Variants in ATP9A observed in about 807,000 individuals in gnomAD.
ATP9A encodes ATPase phospholipid transporting 9A, also known as probable phospholipid-transporting ATPase IIA.
Under a neutral mutation model 144.1 loss-of-function variants are expected in ATP9A, and 52 were observed. That is an observed-to-expected ratio of 0.36 (90% CI 0.29 to 0.45). ATP9A has a LOEUF of 0.45. ATP9A is among the 20% of genes least tolerant of loss of function. The pLI, the probability that ATP9A is intolerant of heterozygous loss-of-function variation, is 1.00. For missense variants in ATP9A, 947 were observed against 1,392.7 expected, an observed-to-expected ratio of 0.68 and a Z score of 5.09; for synonymous variants, 582 against 557.4, an observed-to-expected ratio of 1.04 and a Z score of -0.62.
In ATP9A at chr20:51,614,924, T is replaced by C. The variant is rs1243350301; in HGVS notation, c.2416-1092A>G. 2.0e-5 allele frequency among the ~76,000 whole-genome samples: 3 copies of C among 152,154 alleles called. No homozygotes were observed. In the East Asian group the frequency reaches 5.8e-4, roughly 29 times the overall value. On this transcript the variant is annotated intron_variant, in intron 22 of 27. Coordinates refer to ENST00000338821, the MANE Select transcript of ATP9A (RefSeq NM_006045.3). ...TGCTAATAAATGTGATTTGCAATCCTTCCTGGAGCTTTTATTACTTAAGCT... is the reference window on the plus strand; with the variant it reads ...TGCTAATAAATGTGATTTGCAATCCCTCCTGGAGCTTTTATTACTTAAGCT...
rs1335380939 is a variant in ATP9A, at chr20:51,596,781, C to T, written c.*4430G>A. ...ATTAAAATAATCCCCCAAGGCAGAACGTACACAAGCTTTATTGGGCAACAG... is the reference window on the plus strand; with the variant it reads ...ATTAAAATAATCCCCCAAGGCAGAATGTACACAAGCTTTATTGGGCAACAG... On this transcript the variant is annotated 3_prime_UTR_variant, in exon 28 of 28. Coordinates refer to ENST00000338821, the MANE Select transcript of ATP9A (RefSeq NM_006045.3). The T allele has an allele frequency of 2.0e-5, 3 of 152,146 alleles. No individual in the cohort carries two copies. Among genetic ancestry groups the T allele is most frequent in the Admixed American group, 6.5e-5 (1 of 15,278 alleles). 9.4% of individuals were successfully genotyped at this position (152,146 alleles called of 1,614,324 possible). A position where few individuals can be genotyped will look rare whatever the true frequency, so the allele number is the denominator to read the frequency against.
At chr20:51,604,790 C>T (rs534314856) in intron 27 of ATP9A, 27 bp downstream of exon 27, 34 of 1,446,408 alleles carry the variant, frequency 2.4e-5, no homozygotes, top group South Asian at 1.9e-4. Context: ...GGGTGACGGA[C>T]GGGGTTTAAG....
chr20:51,708,499 C>T (rs2077623971), intron 4 of ATP9A, among the ~76,000 whole-genome samples: 1 of 151,914 alleles, frequency 6.6e-6, no homozygotes, highest in African/African-American at 2.4e-5. Flanking sequence ...CTTTGGGAGG[C>T]CGAGGCGGGC....
chr20:51,675,955 A>G (rs6021371), intron 10 of ATP9A, among the ~76,000 whole-genome samples, 177 bp downstream of exon 10: 40,995 of 151,280 alleles, frequency 0.27, 6,632 homozygotes, highest in African/African-American at 0.45. Context: ...TACGTACTGT[A>G]TTATATATGT....
intron 13 of ATP9A, among the ~76,000 whole-genome samples, chr20:51,662,684 C>T (rs2077415776): frequency 6.6e-6 from 1 of 151,824 alleles, no homozygotes; most frequent in Admixed American, 6.6e-5. Flanking sequence ...CATTAAAAAC[C>T]TTGACATGAG....
chr20:51,625,260 C>T lies in ATP9A; in HGVS notation c.1948G>A (p.Gly650Ser), dbSNP rs867703893. 6.2e-7 allele frequency: 1 copy of T among 1,614,222 alleles called. No homozygotes were observed. Among genetic ancestry groups the T allele is most frequent in the Non-Finnish European group, 8.5e-7 (1 of 1,180,038 alleles). The change falls in exon 18 of 28, where the codon GGC (glycine) becomes AGC (serine). Residue 650 changes from glycine (G) to serine (S), a missense_variant. By Grantham distance (56) the Gly-to-Ser change is moderately conservative. This residue lies in a region of ATP9A where 770 missense variants were observed against 1,047.9 expected (regional missense o/e 0.73). Coordinates refer to ENST00000338821, the MANE Select transcript of ATP9A (RefSeq NM_006045.3). The stretch of plus-strand genomic sequence containing the variant: ...TCTGCCTGCAGCTGGTCCTCCACGC[C>T]CGTCAGGCACAGCAGTTCCATCTCC... The part of the protein sequence containing the change: ...EMEMELLCLT[G>S]VEDQLQADVR...
intron 1 of ATP9A, among the ~76,000 whole-genome samples, chr20:51,756,668 A>C (rs535882566): frequency 3.9e-5 from 6 of 152,152 alleles, no homozygotes; most frequent in South Asian, 4.2e-4. Context: ...CTTCATTTTA[A>C]ATTGATCACC....
intron 1 of ATP9A, among the ~76,000 whole-genome samples, chr20:51,756,774 G>A (rs1421902475): frequency 1.3e-5 from 2 of 152,168 alleles, no homozygotes; most frequent in African/African-American, 2.4e-5. Context: ...GGGGATCCAC[G>A]TCTGCAACAT....
intron 14 of ATP9A, among the ~76,000 whole-genome samples, chr20:51,641,076 A>G (rs1284881927): frequency 6.6e-6 from 1 of 152,044 alleles, no homozygotes; most frequent in African/African-American, 2.4e-5. Flanking sequence ...AAATTTTTTA[A>G]TTATTAGGGT....
chr20:51,627,051 C>A (rs2077251917), intron 17 of ATP9A, among the ~76,000 whole-genome samples: 1 of 120,590 alleles, frequency 8.3e-6, no homozygotes, highest in African/African-American at 2.9e-5. Context: ...GAGCGAAACT[C>A]TGTCTCAAAA....
intron 15 of ATP9A, among the ~76,000 whole-genome samples, chr20:51,633,743 C>G (rs1035400502): frequency 6.9e-6 from 1 of 145,978 alleles, no homozygotes; most frequent in African/African-American, 2.5e-5. Flanking sequence ...GAGACTCTGT[C>G]TTGAGAAAGA....
chr20:51,627,317 A>C (rs993664233), intron 17 of ATP9A, among the ~76,000 whole-genome samples: 6 of 152,196 alleles, frequency 3.9e-5, no homozygotes, highest in Non-Finnish European at 8.8e-5. Context: ...TGATGGATGG[A>C]AAGTGAGAAG....
rs1360066064 is a variant in ATP9A at position 51,611,900 on chromosome 20, C to T, written c.2572-1735G>A. 1.3e-5 allele frequency among the ~76,000 whole-genome samples: 2 copies of T among 152,158 alleles called. No individual in the cohort carries two copies. ...ATAGATATTTAAAACATAAAATCAC[C>T]CCCAAAAAACTGGGGTGTAGCCAGT... On this transcript the variant is annotated intron_variant, in intron 23 of 27. Coordinates refer to ENST00000338821, the MANE Select transcript of ATP9A (RefSeq NM_006045.3). This position sits in a 1 kb window ranked among gnomAD's most constrained non-coding sequence, Gnocchi z 4.2.
Position 51,627,451 on chromosome 20 carries a change from C to A in ATP9A, c.1845+149G>T. The stretch of plus-strand genomic sequence containing the variant: ...TGAAGAGAGTTCCAGGCAGACAGAA[C>A]GGCAAGTGCAAAGGCCTTCAACAAC... On this transcript the variant is annotated intron_variant, in intron 17 of 27. Transcript: ENST00000338821. 3 of 717,964 alleles carry A rather than the reference C, an allele frequency of 4.2e-6. No individual in the cohort carries two copies. The East Asian group carries it at 7.7e-5, about 18-fold the overall frequency. 44.5% of individuals were successfully genotyped at this position (717,964 alleles called of 1,614,324 possible). A position where few individuals can be genotyped will look rare whatever the true frequency, so the allele number is the denominator to read the frequency against.
At chr20:51,672,922 CT>C (rs1246628152) in intron 11 of ATP9A, among the ~76,000 whole-genome samples, 2 of 152,072 alleles carry the variant, frequency 1.3e-5, no homozygotes, top group African/African-American at 4.8e-5. Flanking sequence ...CCAAACTCCC[CT>C]TTTTCTAAAA....
chr20:51,738,634 T>C (rs540910387), intron 1 of ATP9A, among the ~76,000 whole-genome samples: 4 of 152,146 alleles, frequency 2.6e-5, no homozygotes, highest in South Asian at 2.1e-4. Flanking sequence ...CTCTTGAACC[T>C]GGGAGGCGGA....
intron 3 of ATP9A, among the ~76,000 whole-genome samples, chr20:51,721,556 T>C (rs1358065714): frequency 6.6e-6 from 1 of 152,004 alleles, no homozygotes; most frequent in Non-Finnish European, 1.5e-5. Flanking sequence ...TCCCAGCACT[T>C]TGGGAGGCCA....
chr20:51,623,520 C>T (rs138864034), intron 18 of ATP9A, among the ~76,000 whole-genome samples: 2,303 of 152,210 alleles, frequency 0.015, 26 homozygotes, highest in African/African-American at 0.028. Flanking sequence ...GTGGCTTACG[C>T]CTATAATCCC....
intron 4 of ATP9A, among the ~76,000 whole-genome samples, chr20:51,703,004 T>TTG (rs2077600834): frequency 7.7e-6 from 1 of 129,370 alleles, no homozygotes; most frequent in Non-Finnish European, 1.7e-5. Context: ...TGTTGTTGTT[T>TTG]TGTTTTGGTC....
Sources: allele counts gnomAD v4.1 joint callset (sites outside exome capture counted in the v4.1 genomes callset), GRCh38; gene constraint gnomAD v4.1.1; regional missense constraint gnomAD v4.1.1; non-coding constraint Gnocchi (gnomAD v3.1); transcripts MANE v1.5; gene names NCBI Gene and HGNC (gene_info 2026-07-23, HGNC 2026-07-21).